The following GSE1 variants were observed in gnomAD, a reference collection of about 807,000 sequenced individuals.
GSE1 encodes the protein genetic suppressor element 1.
In GSE1, 32 loss-of-function variants were observed where a neutral mutation model predicts 112.6. That is an observed-to-expected ratio of 0.28 (90% CI 0.21 to 0.38). The LOEUF is 0.38. GSE1 is among the 10% of genes least tolerant of loss of function. The pLI, the probability that GSE1 is intolerant of heterozygous loss-of-function variation, is 1.00. For synonymous variants in GSE1, 1,115 were observed against 735.6 expected (o/e 1.52, Z -8.35); for missense variants, 2,348 against 1,699.2 (o/e 1.38, Z -6.71).
chr16:85,603,167 G>A (rs1462353956), intron 1 of GSE1, among the ~76,000 whole-genome samples: 1 of 152,254 alleles, frequency 6.6e-6, no homozygotes, highest in Non-Finnish European at 1.5e-5. Flanking sequence ...AATTGTCAGT[G>A]AGGACAAAAA....
chr16:85,626,786 G>A (rs947813683), intron 1 of GSE1, among the ~76,000 whole-genome samples: 1 of 152,120 alleles, frequency 6.6e-6, no homozygotes, highest in African/African-American at 2.4e-5. Flanking sequence ...GAGGCCGGGA[G>A]GGCGGCTGGC....
intron 2 of GSE1, among the ~76,000 whole-genome samples, chr16:85,449,496 A>G (rs575168079): frequency 6.6e-6 from 1 of 152,320 alleles, no homozygotes; most frequent in East Asian, 1.9e-4. Flanking sequence ...CCACAGGGTC[A>G]CCTGAGAATC....
intron 11 of GSE1, 99 bp downstream of exon 11, chr16:85,663,713 A>C: frequency 4.1e-6 from 5 of 1,231,144 alleles, no homozygotes; most frequent in South Asian, 1.4e-5. Context: ...AGGATCTGCG[A>C]TCACTGAGCC....
chr16:85,321,033 C>T (rs1033969709), intron 1 of GSE1, among the ~76,000 whole-genome samples: 1 of 152,190 alleles, frequency 6.6e-6, no homozygotes, highest in African/African-American at 2.4e-5. Flanking sequence ...CCCATCACCC[C>T]GATCTTATTT....
intron 1 of GSE1, among the ~76,000 whole-genome samples, chr16:85,590,646 C>A (rs564974894): frequency 6.6e-6 from 1 of 151,772 alleles, no homozygotes; most frequent in Non-Finnish European, 1.5e-5. Context: ...TGTGTGTGAG[C>A]GTGTGTGATT....
In GSE1 at chr16:85,639,745, C is replaced by T. The variant is rs77749119; in HGVS notation, c.226+5613C>T. 9.2e-3 allele frequency among the ~76,000 whole-genome samples: 1,402 copies of T among 152,368 alleles called. 19 individuals carry two copies. Among genetic ancestry groups the T allele is most frequent in the African/African-American group, 0.032 (1,320 of 41,586 alleles). ...CTGCAGAGGGCAGGCCGTGGAGCCT[C>T]CACCGCCGCCCCCACTGCTGTGTGA... On this transcript the variant is annotated intron_variant, in intron 2 of 15. Coordinates refer to ENST00000253458, the MANE Select transcript of GSE1 (RefSeq NM_014615.5).
chr16:85,618,983 T>A (rs1002145152), intron 1 of GSE1, among the ~76,000 whole-genome samples: 6 of 152,240 alleles, frequency 3.9e-5, no homozygotes, highest in African/African-American at 1.4e-4. Context: ...TTTATAAAGT[T>A]CCAAGGCTCT....
chr16:85,519,708 C>A (rs906939743), intron 2 of GSE1, among the ~76,000 whole-genome samples: 1 of 139,192 alleles, frequency 7.2e-6, no homozygotes, highest in East Asian at 2.2e-4. Context: ...CAGTCTCCAT[C>A]ACTGTCATCA....
At chr16:85,482,998 T>A (rs946255339) in intron 2 of GSE1, among the ~76,000 whole-genome samples, 118 of 109,428 alleles carry the variant, frequency 1.1e-3, no homozygotes, top group African/African-American at 4.5e-3. Flanking sequence ...AAAAAAAAAA[T>A]ACCAAACTCT....
rs377744474 is a variant in GSE1, at chr16:85,657,292, C to T, written c.1328C>T (p.Ala443Val). Residue 443 changes from alanine to valine, a missense_variant, in exon 8 of 16, where the codon GCC (alanine) becomes GTC (valine). Ala to Val is a moderately conservative substitution (Grantham distance 64). Coordinates refer to ENST00000253458, the MANE Select transcript of GSE1 (RefSeq NM_014615.5). The stretch of plus-strand genomic sequence containing the variant: ...CCCCCCACAGAGAAGCTGAAGGATG[C>T]CGGCCTGCAGGCGCCCAAGCCCGTC... ...TPTRAEKLKDAGLQAPKPVQH... is the reference protein window; with the variant it reads ...TPTRAEKLKDVGLQAPKPVQH... 3.2e-6 allele frequency: 5 copies of T among 1,558,664 alleles called. No individual in the cohort carries two copies. The South Asian group carries it at 3.6e-5, about 11-fold the overall frequency.
At chr16:85,326,789 C>G (rs1045432512) in intron 1 of GSE1, among the ~76,000 whole-genome samples, 1 of 152,216 alleles carries the variant, frequency 6.6e-6, no homozygotes, top group African/African-American at 2.4e-5. Context: ...CTGTGATCAG[C>G]AAGCACGTGT....
intron 2 of GSE1, among the ~76,000 whole-genome samples, chr16:85,549,918 G>A (rs1183171946): frequency 6.6e-6 from 1 of 152,190 alleles, no homozygotes; most frequent in Non-Finnish European, 1.5e-5. Context: ...CAGGTCGTAA[G>A]TAAGATGACA....
At chr16:85,200,081 C>T (rs2075000592) in intron 1 of GSE1, among the ~76,000 whole-genome samples, 1 of 152,186 alleles carries the variant, frequency 6.6e-6, no homozygotes, top group Non-Finnish European at 1.5e-5. Flanking sequence ...TTATCCCACC[C>T]TCTGCGGGCT....
At chr16:85,447,229 C>T (rs745603408) in intron 2 of GSE1, among the ~76,000 whole-genome samples, 26 of 152,160 alleles carry the variant, frequency 1.7e-4, no homozygotes, top group African/African-American at 4.3e-4. Context: ...CCCAGCCCTC[C>T]GTGGTCTGGG....
chr16:85,293,848 C>G (rs1346813657), intron 1 of GSE1, among the ~76,000 whole-genome samples: 1 of 152,200 alleles, frequency 6.6e-6, no homozygotes, highest in African/African-American at 2.4e-5. Flanking sequence ...GGACACCAGT[C>G]TTTGGATGGG....
In GSE1 at chr16:85,613,482, G is replaced by T. The variant is rs999111121; in HGVS notation, c.7+84G>T. 8 of 1,273,488 alleles carry T rather than the reference G, an allele frequency of 6.3e-6. No individual in the cohort carries two copies. The South Asian group carries it at 1.2e-4, about 18-fold the overall frequency. The allele number at this position is 1,273,488 out of a possible 1,614,324, so 78.9% of individuals were successfully genotyped here. ...CCTCCTGCAAGTTCGCGGGTTTCGCGGGGGCGGCCGCCAACGGCTCCCGGG... is the reference window on the plus strand; with the variant it reads ...CCTCCTGCAAGTTCGCGGGTTTCGCTGGGGCGGCCGCCAACGGCTCCCGGG... On this transcript the variant is annotated intron_variant, in intron 1 of 15. Coordinates refer to ENST00000253458, the MANE Select transcript of GSE1 (RefSeq NM_014615.5).
At chr16:85,665,662 G>A (rs969509425) in intron 12 of GSE1, among the ~76,000 whole-genome samples, 2 of 152,158 alleles carry the variant, frequency 1.3e-5, no homozygotes, top group Non-Finnish European at 2.9e-5. Context: ...CCCAGTCCTC[G>A]GCCCCTCACA....
rs201884979 is a variant in GSE1, at chr16:85,657,355, C to A, written c.1391C>A (p.Thr464Lys). The A allele has an allele frequency of 9.9e-6, 16 of 1,610,884 alleles. No individual in the cohort carries two copies. In the African/African-American group the frequency reaches 2.1e-4, roughly 22 times the overall value. Residue 464 changes from threonine (T) to lysine (K), a missense_variant, in exon 8 of 16, where the codon ACG (threonine) becomes AAG (lysine). Coordinates refer to ENST00000253458, the MANE Select transcript of GSE1 (RefSeq NM_014615.5). ...PLHPVPTPHH[T>K]VPSLISNHGI... ...CATCCGGTGCCCACCCCACACCACA[C>A]GGTGCCCAGCCTCATCTCCAACCAT...
At chr16:85,508,714 G>A (rs1230776936) in intron 2 of GSE1, among the ~76,000 whole-genome samples, 1 of 152,218 alleles carries the variant, frequency 6.6e-6, no homozygotes, top group Non-Finnish European at 1.5e-5. Flanking sequence ...TATGCTGGTG[G>A]AGACTGGTGT....
Sources: gnomAD v4.1 joint callset for allele counts (sites outside exome capture counted in the v4.1 genomes callset) on GRCh38, gnomAD v4.1.1 for gene constraint, MANE v1.5 for transcripts, NCBI Gene and HGNC (gene_info 2026-07-23, HGNC 2026-07-21) for gene names.